Variants in FAM47E observed in about 807,000 individuals in gnomAD.
FAM47E encodes the protein protein FAM47E.
FAM47E carries 32 observed loss-of-function variants against 41.6 expected under a neutral mutation model. The observed-to-expected ratio is 0.77, with a 90% CI of 0.58 to 1.03. FAM47E has a LOEUF of 1.03. Among genes scored for constraint, FAM47E ranks in the 50% least tolerant of loss-of-function variants. The pLI is 0.00. For synonymous variants in FAM47E, 184 were observed against 188.7 expected (o/e 0.98, Z 0.20); for missense variants, 424 against 485.4 (o/e 0.87, Z 1.19).
chr4:76,280,324 G>T lies in FAM47E; in HGVS notation c.1087G>T (p.Gly363Cys), dbSNP rs747158364. The T allele has an allele frequency of 3.2e-6, 5 of 1,547,224 alleles. No homozygotes were observed. In the East Asian group the frequency reaches 1.2e-4, roughly 38 times the overall value. Residue 363 changes from glycine (G) to cysteine (C), a missense_variant, in exon 7 of 8, where the codon GGC becomes TGC. Gly to Cys is a radical substitution (Grantham distance 159). Coordinates refer to ENST00000424749, the MANE Select transcript of FAM47E (RefSeq NM_001136570.3). ...VAFKDFILSRGYRTPRFLENM... is the reference protein window; with the variant it reads ...VAFKDFILSRCYRTPRFLENM... The stretch of plus-strand genomic sequence containing the variant: ...CTTTAAGGATTTCATTCTAAGCAGG[G>T]GCTACAGGACGCCACGTGTGAGTAA...
chr4:76,251,674 T>A, upstream of FAM47E: 3 of 1,381,732 alleles, frequency 2.2e-6, no homozygotes, highest in Non-Finnish European at 1.9e-6. Flanking sequence ...TTGTGCGGTG[T>A]CCTAGCAACG....
upstream of FAM47E, among the ~76,000 whole-genome samples, chr4:76,251,427 T>C (rs377478436): frequency 8.5e-5 from 13 of 152,266 alleles, no homozygotes; most frequent in African/African-American, 3.1e-4. Context: ...TTTCTTTCCT[T>C]CAGTAAACGT....
intron 2 of FAM47E, among the ~76,000 whole-genome samples, chr4:76,225,728 G>A (rs558471832): frequency 1.3e-5 from 2 of 152,280 alleles, no homozygotes; most frequent in African/African-American, 4.8e-5. Flanking sequence ...TGTATCCCTG[G>A]TATGAAACTC....
intron 2 of FAM47E, among the ~76,000 whole-genome samples, chr4:76,231,681 C>CA (rs1733496178): frequency 6.6e-6 from 1 of 152,178 alleles, no homozygotes; most frequent in South Asian, 2.1e-4. Flanking sequence ...GTTTGTTCCA[C>CA]AAGGAATCAG....
chr4:76,266,713 G>A (rs1329418567), intron 3 of FAM47E, among the ~76,000 whole-genome samples: 2 of 152,154 alleles, frequency 1.3e-5, no homozygotes, highest in African/African-American at 4.8e-5. Flanking sequence ...ATTTTTCTGA[G>A]TAAAATCCAA....
At chr4:76,270,709 C>T (rs138867042) in intron 4 of FAM47E, among the ~76,000 whole-genome samples, 24 of 152,272 alleles carry the variant, frequency 1.6e-4, no homozygotes, top group African/African-American at 5.8e-4. Context: ...TAGTTTCAGA[C>T]CCTGTGACCA....
intron 2 of FAM47E, among the ~76,000 whole-genome samples, chr4:76,238,163 G>A (rs1053894696): frequency 6.6e-6 from 1 of 152,172 alleles, no homozygotes; most frequent in Non-Finnish European, 1.5e-5. Flanking sequence ...GGAAGGCTAT[G>A]GAATTATCAG....
At chr4:76,245,681 A>G (rs948399746) in intron 2 of FAM47E, among the ~76,000 whole-genome samples, 11 of 152,262 alleles carry the variant, frequency 7.2e-5, no homozygotes, top group African/African-American at 2.6e-4. Flanking sequence ...TGTTCTCCTA[A>G]TAACTGTTCT....
At chr4:76,252,476 C>T (rs1476374230) in intron 1 of FAM47E, among the ~76,000 whole-genome samples, 1 of 152,138 alleles carries the variant, frequency 6.6e-6, no homozygotes, top group African/African-American at 2.4e-5. Context: ...GAGTAGAAGG[C>T]TAGTTCTCCT....
chr4:76,247,217 A>G (rs551687974), upstream of FAM47E, among the ~76,000 whole-genome samples: 1 of 152,192 alleles, frequency 6.6e-6, no homozygotes, highest in East Asian at 1.9e-4. Context: ...GTCCTTTTGC[A>G]TTTGACTTCT....
upstream of FAM47E, among the ~76,000 whole-genome samples, chr4:76,250,552 T>C (rs978551768): frequency 6.6e-6 from 1 of 152,182 alleles, no homozygotes; most frequent in Non-Finnish European, 1.5e-5. Flanking sequence ...AGAAGCTTTT[T>C]AGTTTAATCA....
intron 2 of FAM47E, among the ~76,000 whole-genome samples, chr4:76,246,058 C>T (rs1733819763): frequency 6.6e-6 from 1 of 152,116 alleles, no homozygotes; most frequent in African/African-American, 2.4e-5. Flanking sequence ...TTCAAGAAGC[C>T]ACTTAAAACA....
chr4:76,247,062 T>G (rs998027981), upstream of FAM47E, among the ~76,000 whole-genome samples: 6 of 152,120 alleles, frequency 3.9e-5, no homozygotes, highest in Non-Finnish European at 7.4e-5. Context: ...AATTTTTTCA[T>G]CATCCTCCAA....
chr4:76,235,295 A>G (rs914285738), intron 2 of FAM47E, among the ~76,000 whole-genome samples: 2 of 152,126 alleles, frequency 1.3e-5, no homozygotes, highest in African/African-American at 2.4e-5. Context: ...TCCAGCCTGG[A>G]CGATAGAGCG....
At chr4:76,262,282 G>A (rs1021235027) in intron 2 of FAM47E, among the ~76,000 whole-genome samples, 2 of 152,176 alleles carry the variant, frequency 1.3e-5, no homozygotes, top group African/African-American at 4.8e-5. Flanking sequence ...TATTTACTAT[G>A]ATGCAAGACT....
intron 2 of FAM47E, among the ~76,000 whole-genome samples, chr4:76,237,478 T>C (rs553786579): frequency 3.3e-5 from 5 of 152,104 alleles, no homozygotes; most frequent in African/African-American, 7.2e-5. Flanking sequence ...TTGATGTCTG[T>C]CTGTCCCAAT....
chr4:76,278,186 G>C lies in FAM47E; in HGVS notation c.988G>C (p.Ala330Pro). 2 of 1,544,862 alleles carry C rather than the reference G, an allele frequency of 1.3e-6. No homozygotes were observed. Among genetic ancestry groups the C allele is most frequent in the Non-Finnish European group, 1.7e-6 (2 of 1,145,484 alleles). ...PLVDPEVSHK[A>P]QEENFKKELQ... ...GGTTGACCCTGAGGTCTCACATAAG[G>C]CTCAAGAGGAGAATTTTAAAAAGGA... The change falls in exon 6 of 8, where the codon GCT becomes CCT. Residue 330 changes from alanine (A) to proline (P), a missense_variant. Transcript: ENST00000424749.
intron 2 of FAM47E, among the ~76,000 whole-genome samples, chr4:76,225,718 T>C (rs55777203): frequency 0.64 from 97,507 of 151,614 alleles, 33,356 homozygotes; most frequent in Non-Finnish European, 0.78. Flanking sequence ...AAACCACCCC[T>C]GTATCCCTGG....
In FAM47E at chr4:76,238,723, T is replaced by C. The variant is rs552591714; in HGVS notation, c.81+21035T>C. 3.1e-4 allele frequency among the ~76,000 whole-genome samples: 47 copies of C among 152,280 alleles called. No individual in the cohort carries two copies. In the South Asian group the frequency reaches 6.8e-3, roughly 22 times the overall value. ...TACAGAGACAACATTTAAAAAAACT[T>C]TATTGTTTATTTACCACAATTTTTA... On this transcript the variant is annotated intron_variant, in intron 2 of 7. Coordinates refer to the FAM47E transcript ENST00000510197.
Sources: allele counts gnomAD v4.1 joint callset (sites outside exome capture counted in the v4.1 genomes callset), GRCh38; gene constraint gnomAD v4.1.1; transcripts MANE v1.5; gene names NCBI Gene and HGNC (gene_info 2026-07-23, HGNC 2026-07-21).